ZNF841: variants seen among roughly 807,000 people sequenced by gnomAD.
The protein encoded by ZNF841 is zinc finger protein 841, also known as TCONS_00006091.
Under a neutral mutation model 13.0 loss-of-function variants are expected in ZNF841, and 11 were observed. The ratio of observed to expected loss-of-function variants is 0.85; its 90% CI spans 0.53 to 1.40. ZNF841 has a LOEUF of 1.40. Among genes scored for constraint, ZNF841 ranks in the 40% most tolerant of loss-of-function variants. The pLI is 0.00. For synonymous variants in ZNF841, 369 were observed against 381.6 expected, an observed-to-expected ratio of 0.97 and a Z score of 0.38; for missense variants, 1,068 against 1,139.5, an observed-to-expected ratio of 0.94 and a Z score of 0.90.
At chr19:52,088,052 A>C (rs538557733) in intron 3 of ZNF841, among the ~76,000 whole-genome samples, 190 of 147,774 alleles carry the variant, frequency 1.3e-3, no homozygotes, top group African/African-American at 4.6e-3. Context: ...AAAAAAAAAA[A>C]AAAACAAAGG....
chr19:52,089,567 A>G (rs2088401999), intron 2 of ZNF841, among the ~76,000 whole-genome samples: 2 of 152,158 alleles, frequency 1.3e-5, no homozygotes, highest in African/African-American at 4.8e-5. Flanking sequence ...GGATGCCTTC[A>G]GCCCGGGAGG....
chr19:52,084,779 C>CTTTT lies in ZNF841; in HGVS notation c.15+7_15+8insAAAA, dbSNP rs780080511. 3.7e-6 allele frequency: 6 copies of CTTTT among 1,613,604 alleles called. No individual in the cohort carries two copies. The South Asian group carries it at 6.6e-5, about 18-fold the overall frequency. On this transcript the variant is annotated splice_region_variant and intron_variant, in intron 4 of 6. Coordinates refer to ENST00000594440, the MANE Select transcript of ZNF841 (RefSeq NM_001136499.2). ...AGACAGAACAATCCACCAAGATTAT[C>CTTTT]ACTTTACCTGAGGAAGAGCCATCCC...
At chr19:52,061,983 T>TG (rs1387427700), downstream of ZNF841, among the ~76,000 whole-genome samples, 1 of 152,046 alleles carries the variant, frequency 6.6e-6, no homozygotes, top group East Asian at 1.9e-4. Flanking sequence ...AAACACTCAG[T>TG]GGGGAACACC....
chr19:52,077,085 C>A lies in ZNF841; in HGVS notation c.16-1G>T. On this transcript the variant is annotated splice_acceptor_variant, in intron 4 of 6. Coordinates refer to ENST00000594440, the MANE Select transcript of ZNF841 (RefSeq NM_001136499.2). LOFTEE classifies it high-confidence loss of function. The stretch of plus-strand genomic sequence containing the variant: ...CCACATCCCTGAATGTCAAAGATCC[C>A]TGAAATGAAAAACACATTTCAATAT... The A allele has an allele frequency of 6.2e-7, 1 of 1,606,226 alleles. No homozygotes were observed. The highest frequency in any genetic ancestry group is 8.5e-7 in the Non-Finnish European group (1 of 1,176,798).
In ZNF841 at chr19:52,066,623, T is replaced by A. The variant is rs972060525; in HGVS notation, c.1259A>T (p.His420Leu). 7 of 1,613,534 alleles carry A rather than the reference T, an allele frequency of 4.3e-6. No homozygotes were observed. The Admixed American group carries it at 6.7e-5, about 15-fold the overall frequency. Residue 420 changes from histidine to leucine, a missense_variant, in exon 7 of 7, where the codon CAT becomes CTT. Coordinates refer to ENST00000594440, the MANE Select transcript of ZNF841 (RefSeq NM_001136499.2). ...FKRNSSLTAH[H>L]IIHAGKKPYT... The stretch of plus-strand genomic sequence containing the variant: ...TGGTTTCTTTCCTGCATGGATTATA[T>A]GATGTGCAGTGAGGCTTGAGTTCCG...
At chr19:52,089,414 G>A (rs955031414) in intron 2 of ZNF841, among the ~76,000 whole-genome samples, 2 of 152,072 alleles carry the variant, frequency 1.3e-5, no homozygotes, top group African/African-American at 4.8e-5. Context: ...AGGCCAAGGT[G>A]GGCAGGTCAC....
In ZNF841 at chr19:52,066,622, A is replaced by G; in HGVS notation, c.1260T>C (p.His420=). ...FKRNSSLTAH[H]IIHAGKKPYT... ...ATGGTTTCTTTCCTGCATGGATTAT[A>G]TGATGTGCAGTGAGGCTTGAGTTCC... Residue 420 remains histidine, a synonymous_variant, in exon 7 of 7, where the codon CAT becomes CAC. Coordinates refer to ENST00000594440, the MANE Select transcript of ZNF841 (RefSeq NM_001136499.2). The G allele has an allele frequency of 1.2e-6, 2 of 1,613,128 alleles. No individual in the cohort carries two copies. The highest frequency in any genetic ancestry group is 8.5e-7 in the Non-Finnish European group (1 of 1,179,666).
In ZNF841 at chr19:52,095,694, GT is replaced by G. The variant is rs890857597; in HGVS notation, c.-390del. On this transcript the variant is annotated 5_prime_UTR_variant, in exon 1 of 7. An upstream open reading frame in the 5' UTR loses its in-frame stop. Coordinates refer to ENST00000594440, the MANE Select transcript of ZNF841 (RefSeq NM_001136499.2). ...TCAAGGTAGACGAAGAGAAGCAAAC[GT>G]TTAATCCAGGTAGACTGAAACACAC... 6.6e-6 allele frequency: 1 copy of G among 152,286 alleles called. No homozygotes were observed. The highest frequency in any genetic ancestry group is 1.5e-5 in the Non-Finnish European group (1 of 68,110). The allele number at this position is 152,286 out of a possible 1,614,324, so 9.4% of individuals were successfully genotyped here.
intron 4 of ZNF841, among the ~76,000 whole-genome samples, chr19:52,082,746 A>C (rs2123327668): frequency 6.6e-6 from 1 of 152,320 alleles, no homozygotes; most frequent in South Asian, 2.1e-4. Context: ...TGCTCCAAAG[A>C]GGATGCAAAA....
At chr19:52,068,928 C>T (rs958526534) in intron 6 of ZNF841, among the ~76,000 whole-genome samples, 1 of 152,062 alleles carries the variant, frequency 6.6e-6, no homozygotes, top group African/African-American at 2.4e-5. Context: ...GCCAAGATCA[C>T]GACACTGCAC....
intron 2 of ZNF841, among the ~76,000 whole-genome samples, chr19:52,092,247 T>C (rs1362342012): frequency 6.6e-6 from 1 of 152,170 alleles, no homozygotes; most frequent in Non-Finnish European, 1.5e-5. Context: ...AAACCATATA[T>C]TTAATAAGTG....
chr19:52,085,103 G>A (rs2088226812), intron 3 of ZNF841, among the ~76,000 whole-genome samples: 1 of 152,196 alleles, frequency 6.6e-6, no homozygotes, highest in Middle Eastern at 3.4e-3. Flanking sequence ...CAACAGTGGG[G>A]AGCTGGGCTG....
At chr19:52,087,051 A>T (rs1217418178) in intron 3 of ZNF841, among the ~76,000 whole-genome samples, 2 of 152,252 alleles carry the variant, frequency 1.3e-5, no homozygotes, top group African/African-American at 2.4e-5. Context: ...GCACAGTGGA[A>T]GGAAACTAGA....
chr19:52,066,755 T>C lies in ZNF841; in HGVS notation c.1127A>G (p.Asn376Ser). The C allele has an allele frequency of 6.2e-7, 1 of 1,613,116 alleles. No homozygotes were observed. The highest frequency in any genetic ancestry group is 1.3e-5 in the African/African-American group (1 of 75,040). Residue 376 changes from asparagine (N) to serine (S), a missense_variant, in exon 7 of 7, where the codon AAT becomes AGT. Asn to Ser is a conservative substitution (Grantham distance 46). Coordinates refer to ENST00000594440, the MANE Select transcript of ZNF841 (RefSeq NM_001136499.2). ...TTGACTAAAGCACTTCCCACATCGA[T>C]TACATTTGTAAGGTTTCTCTCCAGT... ...IHTGEKPYKCNRCGKCFSQSS... is the reference protein window; with the variant it reads ...IHTGEKPYKCSRCGKCFSQSS...
downstream of ZNF841, among the ~76,000 whole-genome samples, chr19:52,060,478 G>A (rs2087378893): frequency 6.6e-6 from 1 of 152,168 alleles, no homozygotes; most frequent in Admixed American, 6.5e-5. Flanking sequence ...TTAAGGTGAG[G>A]AACCTGAGTC....
In ZNF841 at chr19:52,065,264, C is replaced by T. The variant is rs376758385; in HGVS notation, c.2618G>A (p.Ser873Asn). ...CTCATTACATTTATAAGGTTTTTCA[C>T]TAGAATGAATTCGTTGGTGTTTAGT... is the stretch of plus-strand genomic sequence containing the variant. ...CLTKHQRIHS[S>N]EKPYKCNECG... is the part of the protein sequence containing the mutation. Residue 873 changes from serine (S) to asparagine (N), a missense_variant, in exon 7 of 7, where the codon AGT becomes AAT. Ser to Asn is a conservative substitution (Grantham distance 46). Transcript: ENST00000594440. 48 of 1,613,962 alleles carry T rather than the reference C, an allele frequency of 3.0e-5. No homozygotes were observed. The highest frequency in any genetic ancestry group is 4.0e-5 in the Non-Finnish European group (47 of 1,179,922).
chr19:52,062,871 A>ATTT (rs34996737), downstream of ZNF841, among the ~76,000 whole-genome samples: 21 of 120,124 alleles, frequency 1.7e-4, no homozygotes, highest in African/African-American at 3.5e-4. Context: ...CTGTTGAGAA[A>ATTT]TTTTTTTTTT....
At chr19:52,085,448 G>T (rs2088239993) in intron 3 of ZNF841, among the ~76,000 whole-genome samples, 1 of 152,226 alleles carries the variant, frequency 6.6e-6, no homozygotes, top group South Asian at 2.1e-4. Context: ...CAGCTCTGCT[G>T]TCCCCTTGGG....
chr19:52,061,445 T>C (rs11670787), downstream of ZNF841, among the ~76,000 whole-genome samples: 246 of 152,278 alleles, frequency 1.6e-3, 5 homozygotes, highest in South Asian at 0.033. Context: ...TTTTATGACC[T>C]TATACCAAAA....
Sources: gnomAD v4.1 joint callset for allele counts (sites outside exome capture counted in the v4.1 genomes callset) on GRCh38, gnomAD v4.1.1 for gene constraint, MANE v1.5 for transcripts, NCBI Gene and HGNC (gene_info 2026-07-23, HGNC 2026-07-21) for gene names.